Variants in XRCC6 observed in about 807,000 individuals in gnomAD.
XRCC6 encodes the protein X-ray repair cross complementing 6.
In XRCC6, 5 loss-of-function variants were observed where a neutral mutation model predicts 65.7. The ratio of observed to expected loss-of-function variants is 0.08; its 90% CI spans 0.04 to 0.16. XRCC6 has a LOEUF of 0.16. Among genes scored for constraint, XRCC6 ranks in the 10% least tolerant of loss-of-function variants. The pLI is 1.00. For synonymous variants in XRCC6, 270 were observed against 270.6 expected (o/e 1.00, Z 0.02); for missense variants, 447 against 738.1 (o/e 0.61, Z 4.57).
At chr22:41,653,724 C>A (rs555983086) in intron 9 of XRCC6, 34 bp downstream of exon 9, 2 of 1,603,890 alleles carry the variant, frequency 1.2e-6, no homozygotes, top group African/African-American at 2.7e-5. Flanking sequence ...GGCTTCTGAA[C>A]CTTGCCCATA....
intron 8 of XRCC6, among the ~76,000 whole-genome samples, chr22:41,651,320 G>A (rs1470266982): frequency 1.5e-5 from 2 of 130,892 alleles, no homozygotes; most frequent in African/African-American, 2.8e-5. Flanking sequence ...AGTGTTTCAA[G>A]CTCAAATTTT....
In XRCC6 at chr22:41,663,742, G is replaced by A. The variant is rs753447958; in HGVS notation, c.1757G>A (p.Arg586Gln). 3.1e-6 allele frequency: 5 copies of A among 1,613,828 alleles called. No individual in the cohort carries two copies. The highest frequency in any genetic ancestry group is 2.7e-5 in the African/African-American group (2 of 74,912). The change falls in exon 13 of 13, where the codon CGG (arginine) becomes CAG (glutamine). Residue 586 changes from arginine (R) to glutamine (Q), a missense_variant. Physicochemically the swap from Arg to Gln is conservative, Grantham distance 43. Around this residue, in one of 4 missense-constraint regions of XRCC6, gnomAD observed 201 missense variants for 374.1 expected, o/e 0.54. Transcript: ENST00000360079. Reference sequence around the variant, plus strand: ...GTGCCCATGCTGAAAGAGGCCTGCCGGGCTTACGGGCTGAAGAGTGGGCTG... The same window carrying A: ...GTGCCCATGCTGAAAGAGGCCTGCCAGGCTTACGGGCTGAAGAGTGGGCTG... ...FTVPMLKEAC[R>Q]AYGLKSGLKK...
At chr22:41,650,973 G>C in intron 8 of XRCC6, 82 bp downstream of exon 8, 1 of 1,531,884 alleles carries the variant, frequency 6.5e-7, no homozygotes, top group Non-Finnish European at 9.0e-7. Flanking sequence ...GGCACTGCTT[G>C]GACACTGTAC....
In XRCC6 at chr22:41,636,735, G is replaced by A. The variant is rs200942837; in HGVS notation, c.554G>A (p.Arg185Gln). The A allele has an allele frequency of 6.2e-6, 10 of 1,614,008 alleles. No homozygotes were observed. The East Asian group carries it at 6.7e-5, about 11-fold the overall frequency. The change falls in exon 5 of 13, where the codon CGG becomes CAG. Residue 185 changes from arginine to glutamine, a missense_variant. Physicochemically the swap from Arg to Gln is conservative, Grantham distance 43. Transcript: ENST00000360079. Reference sequence around the variant, plus strand: ...GGCAATGACAGTGCCAAAGCCAGCCGGGCCAGGACCAAAGCCGGTGATCTC... The same window carrying A: ...GGCAATGACAGTGCCAAAGCCAGCCAGGCCAGGACCAAAGCCGGTGATCTC... ...PHGNDSAKAS[R>Q]ARTKAGDLRD...
chr22:41,657,804 C>T (rs1456058112), intron 10 of XRCC6, among the ~76,000 whole-genome samples: 1 of 152,034 alleles, frequency 6.6e-6, no homozygotes, highest in Non-Finnish European at 1.5e-5. Flanking sequence ...CAGGCATGAG[C>T]CAGGGTGCCC....
intron 2 of XRCC6, among the ~76,000 whole-genome samples, chr22:41,625,064 T>G (rs958035604): frequency 1.3e-5 from 2 of 151,766 alleles, no homozygotes; most frequent in African/African-American, 4.8e-5. Flanking sequence ...CCAGCATTTT[T>G]GGAGGCCAAG....
At chr22:41,641,306 C>A (rs376734348) in intron 6 of XRCC6, among the ~76,000 whole-genome samples, 1 of 17,650 alleles carries the variant, frequency 5.7e-5, no homozygotes, top group Admixed American at 2.9e-4. Flanking sequence ...ATTAAACTTA[C>A]GCTTTTTAAA....
At chr22:41,635,778 G>A (rs1399220076) in intron 3 of XRCC6, among the ~76,000 whole-genome samples, 1 of 152,002 alleles carries the variant, frequency 6.6e-6, no homozygotes, top group Non-Finnish European at 1.5e-5. Context: ...CTAGGGTCAA[G>A]TGATTCTCCC....
intron 6 of XRCC6, among the ~76,000 whole-genome samples, chr22:41,639,096 C>G (rs988918386): frequency 6.6e-6 from 1 of 152,102 alleles, no homozygotes; most frequent in Non-Finnish European, 1.5e-5. Flanking sequence ...CTATTGTTGA[C>G]CAAAATGTTA....
intron 7 of XRCC6, chr22:41,648,033 TCCCCTCCCCTCCCCTC>T (rs2067953448): frequency 6.5e-5 from 1 of 15,498 alleles, no homozygotes; most frequent in African/African-American, 1.5e-4. Flanking sequence ...TCCCCTCCCC[TCCCCTCCCCTCCCCTC>T]CCCTCCCCTC....
At chr22:41,639,323 C>A (rs971622621) in intron 6 of XRCC6, among the ~76,000 whole-genome samples, 60 of 59,072 alleles carry the variant, frequency 1.0e-3, no homozygotes, top group South Asian at 4.6e-3. Flanking sequence ...TTGCTAGATT[C>A]TTTTTCTTTT....
intron 7 of XRCC6, among the ~76,000 whole-genome samples, chr22:41,650,180 C>T (rs1601550123): frequency 1.3e-5 from 2 of 151,560 alleles, no homozygotes; most frequent in African/African-American, 4.9e-5. Context: ...TCTTGGCACA[C>T]TGCATCCTCG....
At chr22:41,628,799 C>T (rs571894242) in intron 3 of XRCC6, among the ~76,000 whole-genome samples, 98 of 151,750 alleles carry the variant, frequency 6.5e-4, no homozygotes, top group Non-Finnish European at 7.2e-4. Flanking sequence ...CCTGTCTCTA[C>T]TAACAATGCA....
chr22:41,648,276 C>T (rs1489723263), intron 7 of XRCC6: 1 of 151,918 alleles, frequency 6.6e-6, no homozygotes, highest in Non-Finnish European at 1.5e-5. Context: ...ATTTTGATAG[C>T]TAGAAAGTTA....
intron 6 of XRCC6, among the ~76,000 whole-genome samples, chr22:41,642,597 A>C (rs1170396010): frequency 6.6e-6 from 1 of 152,120 alleles, no homozygotes; most frequent in Middle Eastern, 3.2e-3. Flanking sequence ...TGTTTTGTCT[A>C]TTTCTGTGAA....
intron 6 of XRCC6, among the ~76,000 whole-genome samples, chr22:41,639,933 C>T (rs2067857106): frequency 6.6e-6 from 1 of 151,424 alleles, no homozygotes; most frequent in Non-Finnish European, 1.5e-5. Flanking sequence ...GCTGGGATTA[C>T]AGGCTTGAGC....
At chr22:41,623,738 T>C (rs1043595833) in intron 2 of XRCC6, among the ~76,000 whole-genome samples, 1 of 151,430 alleles carries the variant, frequency 6.6e-6, no homozygotes, top group Non-Finnish European at 1.5e-5. Context: ...ATTTATTTAT[T>C]GAGACAGAGT....
intron 3 of XRCC6, among the ~76,000 whole-genome samples, chr22:41,635,245 G>A (rs906250313): frequency 1.3e-5 from 2 of 152,204 alleles, no homozygotes; most frequent in Non-Finnish European, 2.9e-5. Context: ...CTTCAATGTA[G>A]TACTTGGCAC....
At chr22:41,648,490 A>G (rs1425266838) in intron 7 of XRCC6, among the ~76,000 whole-genome samples, 18 of 152,102 alleles carry the variant, frequency 1.2e-4, no homozygotes, top group African/African-American at 2.4e-5. Context: ...TTTGCTAGTG[A>G]TATTTTTCCT....
Sources: gnomAD v4.1 joint callset for allele counts (sites outside exome capture counted in the v4.1 genomes callset) on GRCh38, gnomAD v4.1.1 for gene constraint, gnomAD v4.1.1 regional missense constraint, MANE v1.5 for transcripts, NCBI Gene and HGNC (gene_info 2026-07-23, HGNC 2026-07-21) for gene names.